LAMTOR3: variants seen among roughly 807,000 people sequenced by gnomAD.
LAMTOR3 encodes ragulator complex protein LAMTOR3.
LAMTOR3 carries 14 observed loss-of-function variants against 20.3 expected under a neutral mutation model. The ratio of observed to expected loss-of-function variants is 0.69; its 90% CI spans 0.46 to 1.08. The LOEUF (loss-of-function observed/expected upper bound fraction) is 1.08. LAMTOR3 is among the 50% of genes least tolerant of loss of function. The pLI, the probability that LAMTOR3 is intolerant of heterozygous loss-of-function variation, is 0.00. For synonymous variants in LAMTOR3, 40 were observed against 49.4 expected, an observed-to-expected ratio of 0.81 and a Z score of 0.80; for missense variants, 125 against 143.7, an observed-to-expected ratio of 0.87 and a Z score of 0.67.
chr4:99,884,252 A>C (rs1172171897), intron 5 of LAMTOR3, 127 bp from the exon 6 acceptor site: 2 of 673,288 alleles, frequency 3.0e-6, no homozygotes, highest in Non-Finnish European at 2.6e-6. Context: ...ATGGTATTAT[A>C]TTATGAAACA....
chr4:99,893,126 C>T (rs995237331), intron 2 of LAMTOR3, among the ~76,000 whole-genome samples: 25 of 152,290 alleles, frequency 1.6e-4, no homozygotes, highest in African/African-American at 5.5e-4. Flanking sequence ...GCAATCGTCT[C>T]GCCTCACTTC....
intron 3 of LAMTOR3, 71 bp downstream of exon 3, chr4:99,891,928 CA>C: frequency 6.6e-7 from 1 of 1,518,688 alleles, no homozygotes; most frequent in Non-Finnish European, 8.8e-7. Context: ...ATGGAAAATA[CA>C]GACAAAATGC....
intron 4 of LAMTOR3, among the ~76,000 whole-genome samples, chr4:99,886,404 A>G (rs966472930): frequency 2.6e-5 from 4 of 152,214 alleles, no homozygotes; most frequent in Admixed American, 6.5e-5. Context: ...CGAAGATTAT[A>G]AACCACAGGA....
intron 5 of LAMTOR3, among the ~76,000 whole-genome samples, chr4:99,884,990 C>A (rs1462023020): frequency 6.6e-6 from 1 of 151,698 alleles, no homozygotes; most frequent in Non-Finnish European, 1.5e-5. Context: ...AAAAGAGTAA[C>A]TTACATCAAT....
In LAMTOR3 at chr4:99,881,364, C is replaced by T. The variant is rs543947837; in HGVS notation, c.*630G>A. The T allele has an allele frequency of 6.6e-6, 1 of 152,056 alleles. No homozygotes were observed. The highest frequency in any genetic ancestry group is 1.5e-5 in the Non-Finnish European group (1 of 68,002). The allele number at this position is 152,056 out of a possible 1,614,324, so 9.4% of individuals were successfully genotyped here. A position where few individuals can be genotyped will look rare whatever the true frequency, so the allele number is the denominator to read the frequency against. On this transcript the variant is annotated 3_prime_UTR_variant, in exon 7 of 7. Coordinates refer to ENST00000499666, the MANE Select transcript of LAMTOR3 (RefSeq NM_021970.4). ...TAAAACACTGATTGGTTACAGAAAG[C>T]AGAGTTTGAGGAAAAAACATTAGCT...
chr4:99,891,777 C>T (rs78148032), intron 3 of LAMTOR3, among the ~76,000 whole-genome samples: 3,213 of 152,196 alleles, frequency 0.021, 37 homozygotes, highest in Middle Eastern at 0.041. Context: ...CTGACACTAT[C>T]GCTCTAGATA....
At chr4:99,887,889 T>C (rs897711833) in intron 3 of LAMTOR3, among the ~76,000 whole-genome samples, 2 of 152,200 alleles carry the variant, frequency 1.3e-5, no homozygotes, top group Non-Finnish European at 1.5e-5. Flanking sequence ...AAAAAGTTCA[T>C]AGGGATATGA....
At chr4:99,888,553 T>C (rs1309528265) in intron 3 of LAMTOR3, among the ~76,000 whole-genome samples, 6 of 152,212 alleles carry the variant, frequency 3.9e-5, no homozygotes, top group African/African-American at 1.4e-4. Context: ...TTATGGTATC[T>C]ATAAACTACA....
chr4:99,881,832 C>G lies in LAMTOR3; in HGVS notation c.*162G>C. The G allele has an allele frequency of 1.7e-6, 1 of 595,652 alleles. No individual in the cohort carries two copies. Among genetic ancestry groups the G allele is most frequent in the Non-Finnish European group, 3.0e-6 (1 of 335,496 alleles). 36.9% of individuals were successfully genotyped at this position (595,652 alleles called of 1,614,324 possible). Reference sequence around the variant, plus strand: ...TACACCAGAAAATATAGCAACTGATCTATCTATAAATTACATCTATATGCT... The same window carrying G: ...TACACCAGAAAATATAGCAACTGATGTATCTATAAATTACATCTATATGCT... On this transcript the variant is annotated 3_prime_UTR_variant, in exon 7 of 7. Coordinates refer to ENST00000499666, the MANE Select transcript of LAMTOR3 (RefSeq NM_021970.4).
At chr4:99,891,260 T>C (rs1381298426) in intron 3 of LAMTOR3, among the ~76,000 whole-genome samples, 1 of 152,156 alleles carries the variant, frequency 6.6e-6, no homozygotes, top group African/African-American at 2.4e-5. Flanking sequence ...CTAAGGTAAC[T>C]ACAGAAAAAC....
At chr4:99,889,686 A>C (rs1360496254) in intron 3 of LAMTOR3, among the ~76,000 whole-genome samples, 16 of 152,174 alleles carry the variant, frequency 1.1e-4, no homozygotes, top group Admixed American at 1.0e-3. Context: ...GAGAGGAAGG[A>C]TGGGCAGCTT....
At position 99,887,728 on chromosome 4, in the gene LAMTOR3, T is replaced by C. The variant is rs1724954681; in HGVS notation, c.45-374A>G. Among the ~76,000 whole-genome samples the C allele has an allele frequency of 1.3e-5, 2 of 152,228 alleles. 1 individual carries two copies. The highest frequency in any genetic ancestry group is 4.1e-4 in the South Asian group (2 of 4,834). On this transcript the variant is annotated intron_variant, in intron 3 of 6. Transcript: ENST00000499666. ...TCATGCAAATATTAAGCGGCCAGTATTTGTGGCACTTAATACTTTGATACT... is the reference window on the plus strand; with the variant it reads ...TCATGCAAATATTAAGCGGCCAGTACTTGTGGCACTTAATACTTTGATACT...
intron 2 of LAMTOR3, 138 bp from the exon 3 acceptor site, chr4:99,892,172 T>G (rs1725033812): frequency 2.2e-6 from 3 of 1,376,614 alleles, no homozygotes; most frequent in African/African-American, 3.0e-5. Context: ...CTCTGTCTGA[T>G]TTGGATGTTT....
intron 4 of LAMTOR3, among the ~76,000 whole-genome samples, chr4:99,886,825 T>A (rs1724934267): frequency 6.6e-6 from 1 of 152,158 alleles, no homozygotes; most frequent in Admixed American, 6.5e-5. Flanking sequence ...TCTGAATCCA[T>A]ACTGACTCTC....
At chr4:99,890,823 A>T (rs1183411126) in intron 3 of LAMTOR3, among the ~76,000 whole-genome samples, 1 of 152,188 alleles carries the variant, frequency 6.6e-6, no homozygotes, top group Admixed American at 6.5e-5. Flanking sequence ...ATTTTTGATC[A>T]ACATTAGAAC....
intron 5 of LAMTOR3, 24 bp downstream of exon 5, chr4:99,885,518 A>G (rs1409557987): frequency 6.4e-7 from 1 of 1,563,708 alleles, no homozygotes; most frequent in Non-Finnish European, 8.7e-7. Context: ...AAATCAGCAA[A>G]TCATTTTATA....
In LAMTOR3 at chr4:99,878,635, T is replaced by A. The variant is rs1353532171; in HGVS notation, c.*3359A>T. 1 of 152,238 alleles carries A rather than the reference T, an allele frequency of 6.6e-6. No individual in the cohort carries two copies. Among genetic ancestry groups the A allele is most frequent in the African/African-American group, 2.4e-5 (1 of 41,460 alleles). The allele number at this position is 152,238 out of a possible 1,614,324, so 9.4% of individuals were successfully genotyped here. A position where few individuals can be genotyped will look rare whatever the true frequency, so the allele number is the denominator to read the frequency against. ...TTCTTCTTATACATCAATTGTAGCA[T>A]GCCATACAGTTTGACACCATGCTTT... On this transcript the variant is annotated 3_prime_UTR_variant, in exon 7 of 7. Coordinates refer to ENST00000499666, the MANE Select transcript of LAMTOR3 (RefSeq NM_021970.4).
At chr4:99,885,483 A>ATG in intron 5 of LAMTOR3, 59 bp downstream of exon 5, 1 of 1,469,798 alleles carries the variant, frequency 6.8e-7, no homozygotes, top group Non-Finnish European at 9.2e-7. Context: ...TTTTATATAT[A>ATG]TAAAAGGCAC....
At chr4:99,882,363 C>G (rs1428338811) in intron 6 of LAMTOR3, among the ~76,000 whole-genome samples, 1 of 152,042 alleles carries the variant, frequency 6.6e-6, no homozygotes, top group Admixed American at 6.6e-5. Flanking sequence ...TATTAGTGCT[C>G]AGAAAGTTTC....
Sources: gnomAD v4.1 joint callset for allele counts (sites outside exome capture counted in the v4.1 genomes callset) on GRCh38, gnomAD v4.1.1 for gene constraint, MANE v1.5 for transcripts, NCBI Gene and HGNC (gene_info 2026-07-23, HGNC 2026-07-21) for gene names.